The following COL24A1 variants were observed in gnomAD, a reference collection of about 807,000 sequenced individuals.
The protein encoded by COL24A1 is collagen type XXIV alpha 1 chain.
Under a neutral mutation model 253.9 loss-of-function variants are expected in COL24A1, and 224 were observed. The observed-to-expected ratio is 0.88, with a 90% CI of 0.79 to 0.99. The LOEUF (loss-of-function observed/expected upper bound fraction) is 0.99. Ranked by LOEUF, COL24A1 falls within the 50% of genes least tolerant of loss-of-function variation. COL24A1 has a pLI of 0.00. For missense variants in COL24A1, 2,131 were observed against 2,068.5 expected, an observed-to-expected ratio of 1.03 and a Z score of -0.59; for synonymous variants, 685 against 673.7, an observed-to-expected ratio of 1.02 and a Z score of -0.26.
intron 24 of COL24A1, among the ~76,000 whole-genome samples, chr1:85,925,434 T>A (rs1315452889): frequency 1.3e-5 from 2 of 152,144 alleles, no homozygotes; most frequent in African/African-American, 2.4e-5. Flanking sequence ...ACTACAAGGC[T>A]ACAGTAACCA....
chr1:85,868,701 C>A, intron 36 of COL24A1, 75 bp from the exon 37 acceptor site: 2 of 1,454,596 alleles, frequency 1.4e-6, no homozygotes, highest in East Asian at 2.3e-5. Flanking sequence ...AGGTTTTTGT[C>A]ACACAAAAAC....
At position 85,874,678 on chromosome 1, in the gene COL24A1, C is replaced by T. The variant is rs1265237382; in HGVS notation, c.3109G>A (p.Val1037Ile). 6.2e-7 allele frequency: 1 copy of T among 1,612,534 alleles called. No homozygotes were observed. Among genetic ancestry groups the T allele is most frequent in the African/African-American group, 1.3e-5 (1 of 75,006 alleles). The change falls in exon 35 of 60, where the codon GTT becomes ATT. Residue 1037 changes from valine (V) to isoleucine (I), a missense_variant. Coordinates refer to ENST00000370571, the MANE Select transcript of COL24A1 (RefSeq NM_152890.7). ...AKGDVGTAGS[V>I]GGTGEPGLRG... ...AAACCTGGTTCCCCAGTTCCTCCAA[C>T]ACTGCCAGCAGTTCCAACATCTCCC...
At chr1:85,809,856 G>A (rs1333487190) in intron 47 of COL24A1, among the ~76,000 whole-genome samples, 1 of 149,460 alleles carries the variant, frequency 6.7e-6, no homozygotes, top group Non-Finnish European at 1.5e-5. Flanking sequence ...GCATTTCAGT[G>A]GCATTAGTAC....
intron 51 of COL24A1, 131 bp downstream of exon 51, chr1:85,783,365 C>T: frequency 5.8e-6 from 4 of 684,170 alleles, no homozygotes; most frequent in South Asian, 2.4e-5. Context: ...CTGCATGTGC[C>T]CTTATGAGTT....
rs1670463026 is a variant in COL24A1 at position 85,793,085 on chromosome 1, A to C, written c.3952-6624T>G. On this transcript the variant is annotated intron_variant, in intron 47 of 59. Transcript: ENST00000370571. Reference sequence around the variant, plus strand: ...CAAAGCATTTTTTCCTTTTTTTTCAAATAACATTTTCTTCATATTATGTCA... The same window carrying C: ...CAAAGCATTTTTTCCTTTTTTTTCACATAACATTTTCTTCATATTATGTCA... Among the ~76,000 whole-genome samples the C allele has an allele frequency of 2.0e-5, 3 of 152,238 alleles. No individual in the cohort carries two copies. The South Asian group carries it at 6.2e-4, about 32-fold the overall frequency.
chr1:85,968,694 T>G (rs2100743391), intron 22 of COL24A1, among the ~76,000 whole-genome samples: 1 of 145,020 alleles, frequency 6.9e-6, no homozygotes, highest in South Asian at 2.2e-4. Context: ...GGTAAGAGCC[T>G]TAATGAGTCA....
intron 7 of COL24A1, among the ~76,000 whole-genome samples, chr1:86,079,819 T>C (rs926215442): frequency 6.6e-6 from 1 of 152,144 alleles, no homozygotes; most frequent in African/African-American, 2.4e-5. Flanking sequence ...ACACTATTCA[T>C]GGGAAGGTAA....
intron 53 of COL24A1, among the ~76,000 whole-genome samples, chr1:85,768,587 C>CA (rs1553169867): frequency 6.8e-6 from 1 of 147,096 alleles, no homozygotes; most frequent in Non-Finnish European, 1.5e-5. Context: ...TTCTTTTGTG[C>CA]GGGGGGAGGG....
intron 28 of COL24A1, among the ~76,000 whole-genome samples, chr1:85,898,625 T>A (rs1041053390): frequency 2.0e-5 from 3 of 152,216 alleles, no homozygotes; most frequent in African/African-American, 7.2e-5. Flanking sequence ...TAGATCAGTA[T>A]TTTTTAACAT....
At chr1:86,146,244 A>C in intron 1 of COL24A1, 61 bp from the exon 2 acceptor site, 1 of 1,273,358 alleles carries the variant, frequency 7.9e-7, no homozygotes, top group Non-Finnish European at 1.1e-6. Context: ...AACCATATAG[A>C]ATCCAAAACA....
chr1:86,120,389 T>C (rs12048821), intron 3 of COL24A1, among the ~76,000 whole-genome samples: 26,532 of 152,064 alleles, frequency 0.17, 2,439 homozygotes, highest in South Asian at 0.27. Context: ...TGCAATCTAC[T>C]CATCTGACAA....
intron 19 of COL24A1, among the ~76,000 whole-genome samples, chr1:86,003,867 A>G (rs547813005): frequency 2.2e-4 from 33 of 152,304 alleles, no homozygotes; most frequent in Middle Eastern, 6.8e-3. Flanking sequence ...GTTCGCCCTC[A>G]CACATTAATG....
At chr1:85,838,549 T>A (rs557670655) in intron 43 of COL24A1, 36 bp downstream of exon 43, 1 of 1,575,026 alleles carries the variant, frequency 6.3e-7, no homozygotes, top group South Asian at 1.1e-5. Context: ...AGAACCCTAT[T>A]TAAATTCATT....
intron 43 of COL24A1, 110 bp downstream of exon 43, chr1:85,838,475 T>TA: frequency 2.1e-6 from 2 of 936,124 alleles, no homozygotes; most frequent in Non-Finnish European, 3.4e-6. Context: ...CTTCTAGGAT[T>TA]AAAAACATAA....
At chr1:85,874,623 TAA>T (rs752479252) in intron 35 of COL24A1, 24 bp downstream of exon 35, 15 of 1,608,800 alleles carry the variant, frequency 9.3e-6, no homozygotes, top group Admixed American at 1.7e-5. Context: ...GTTAGTGTAT[TAA>T]AAGAGTTTCA....
chr1:85,739,414 T>C (rs183104815), intron 57 of COL24A1, among the ~76,000 whole-genome samples: 4 of 152,300 alleles, frequency 2.6e-5, no homozygotes, highest in Admixed American at 1.3e-4. Flanking sequence ...ACATATCTTT[T>C]GTGAGCCTAA....
At chr1:86,009,698 G>T (rs910001748) in intron 19 of COL24A1, among the ~76,000 whole-genome samples, 1 of 152,192 alleles carries the variant, frequency 6.6e-6, no homozygotes, top group Non-Finnish European at 1.5e-5. Flanking sequence ...GTGAGTGAAT[G>T]TGAAGGCCTA....
chr1:86,013,978 C>A (rs1205366409), intron 19 of COL24A1, among the ~76,000 whole-genome samples: 3 of 152,126 alleles, frequency 2.0e-5, no homozygotes, highest in Non-Finnish European at 4.4e-5. Context: ...CTGCACAGTC[C>A]CCTTACTCTT....
At chr1:85,783,755 C>T (rs551743418) in intron 50 of COL24A1, among the ~76,000 whole-genome samples, 197 bp from the exon 51 acceptor site, 68 of 152,080 alleles carry the variant, frequency 4.5e-4, no homozygotes, top group African/African-American at 7.7e-4. Flanking sequence ...GAGAGGGATA[C>T]GTAGATGGAT....
Sources: gnomAD v4.1 joint callset for allele counts (sites outside exome capture counted in the v4.1 genomes callset) on GRCh38, gnomAD v4.1.1 for gene constraint, MANE v1.5 for transcripts, NCBI Gene and HGNC (gene_info 2026-07-23, HGNC 2026-07-21) for gene names.